The following UTS2 variants were observed in gnomAD, a reference collection of about 807,000 sequenced individuals.
The protein encoded by UTS2 is urotensin 2.
UTS2 carries 10 observed loss-of-function variants against 12.6 expected under a neutral mutation model. The ratio of observed to expected loss-of-function variants is 0.80; its 90% CI spans 0.49 to 1.35. The LOEUF is 1.35. Ranked by LOEUF, UTS2 falls within the 40% of genes most tolerant of loss-of-function variation. The pLI is 0.00. For synonymous variants in UTS2, 52 were observed against 50.0 expected (o/e 1.04, Z -0.17); for missense variants, 142 against 143.2 (o/e 0.99, Z 0.04).
chr1:7,907,218 T>C, the UTS2 span, among the ~76,000 whole-genome samples: 2 of 152,102 alleles, frequency 1.3e-5, no homozygotes, highest in African/African-American at 4.8e-5. Context: ...ATCGTGTCAC[T>C]GCACTCCAGC....
chr1:7,898,517 C>T, the UTS2 span, among the ~76,000 whole-genome samples: 1 of 151,994 alleles, frequency 6.6e-6, no homozygotes, highest in Non-Finnish European at 1.5e-5. Context: ...ACTCTGTCGC[C>T]CAGGCTGGAG....
the UTS2 span, among the ~76,000 whole-genome samples, chr1:7,904,073 A>T: frequency 6.6e-6 from 1 of 152,146 alleles, no homozygotes; most frequent in Non-Finnish European, 1.5e-5. Flanking sequence ...ATAATTTTTT[A>T]AAAATAAATT....
chr1:7,888,331 C>A, the UTS2 span, among the ~76,000 whole-genome samples: 1 of 152,144 alleles, frequency 6.6e-6, no homozygotes, highest in Non-Finnish European at 1.5e-5. Flanking sequence ...CCTTCCTCCT[C>A]CCCATCCCTC....
intron 3 of UTS2, among the ~76,000 whole-genome samples, chr1:7,849,237 G>A (rs1489557327): frequency 6.6e-6 from 1 of 151,888 alleles, no homozygotes; most frequent in Non-Finnish European, 1.5e-5. Context: ...ATTTTGAGAT[G>A]AAGTCTCATT....
chr1:7,879,710 C>T, the UTS2 span, among the ~76,000 whole-genome samples: 7 of 151,556 alleles, frequency 4.6e-5, no homozygotes, highest in East Asian at 1.4e-3. Context: ...CACTGCACTC[C>T]GGCCTGGATG....
intron 1 of UTS2, among the ~76,000 whole-genome samples, chr1:7,851,907 AGT>A (rs1454377726): frequency 2.6e-5 from 4 of 152,240 alleles, no homozygotes; most frequent in African/African-American, 9.6e-5. Flanking sequence ...AGATGACAGT[AGT>A]AGCTGAGTAT....
the UTS2 span, among the ~76,000 whole-genome samples, chr1:7,878,063 A>G: frequency 3.3e-5 from 5 of 152,248 alleles, no homozygotes; most frequent in Non-Finnish European, 7.3e-5. Flanking sequence ...GTGTCAAGTC[A>G]CATATAAAAG....
chr1:7,884,875 C>T, the UTS2 span, among the ~76,000 whole-genome samples: 3 of 151,794 alleles, frequency 2.0e-5, no homozygotes, highest in Non-Finnish European at 4.4e-5. Context: ...ACCCACCCAT[C>T]CATCCACCCA....
At chr1:7,870,184 A>G in the UTS2 span, among the ~76,000 whole-genome samples, 1 of 152,202 alleles carries the variant, frequency 6.6e-6, no homozygotes, top group Non-Finnish European at 1.5e-5. Context: ...CTGTATTTGG[A>G]GATGAGCTAT....
chr1:7,852,247 C>A (rs1229694780), intron 1 of UTS2, among the ~76,000 whole-genome samples: 1 of 152,052 alleles, frequency 6.6e-6, no homozygotes, highest in African/African-American at 2.4e-5. Context: ...ACCTAATCCC[C>A]AAGCATTAGC....
chr1:7,868,641 A>T, the UTS2 span, among the ~76,000 whole-genome samples: 139 of 152,340 alleles, frequency 9.1e-4, 1 homozygote, highest in Admixed American at 4.4e-3. Flanking sequence ...TGAGCAAACA[A>T]CCTAGGTGGC....
the UTS2 span, among the ~76,000 whole-genome samples, chr1:7,889,442 CAAAAA>C: frequency 4.7e-5 from 4 of 85,376 alleles, no homozygotes; most frequent in Admixed American, 1.5e-4. Context: ...ATCTTATCAC[CAAAAA>C]AAAAAAAAAA....
the UTS2 span, among the ~76,000 whole-genome samples, chr1:7,891,550 A>AAGAAAGAAAGAAAGAG: frequency 6.7e-6 from 1 of 149,150 alleles, no homozygotes; most frequent in African/African-American, 2.5e-5. Flanking sequence ...GAAAGAAAGA[A>AAGAAAGAAAGAAAGAG]AGAAAGAAAG....
At chr1:7,872,907 G>T in the UTS2 span, among the ~76,000 whole-genome samples, 1 of 152,176 alleles carries the variant, frequency 6.6e-6, no homozygotes. Context: ...CTGACTTAAA[G>T]CTTCAAAGGA....
chr1:7,901,144 C>G, the UTS2 span, among the ~76,000 whole-genome samples: 7 of 152,142 alleles, frequency 4.6e-5, no homozygotes, highest in Non-Finnish European at 7.3e-5. Flanking sequence ...TTGGCAAAAA[C>G]CCGTTCATAG....
At chr1:7,910,990 C>T in the UTS2 span, among the ~76,000 whole-genome samples, 13 of 151,834 alleles carry the variant, frequency 8.6e-5, no homozygotes, top group South Asian at 2.1e-4. Flanking sequence ...TGGGCTCAAG[C>T]GATCCTCCCA....
the UTS2 span, among the ~76,000 whole-genome samples, chr1:7,873,683 A>G: frequency 1.3e-5 from 2 of 152,202 alleles, no homozygotes; most frequent in Admixed American, 1.3e-4. Flanking sequence ...CATCTTGTAG[A>G]TGGTTTCTTG....
chr1:7,894,192 C>CT, the UTS2 span, among the ~76,000 whole-genome samples: 7 of 127,482 alleles, frequency 5.5e-5, no homozygotes, highest in African/African-American at 1.2e-4. Flanking sequence ...TTTCTTTTTT[C>CT]TTTTTTTTAA....
the UTS2 span, among the ~76,000 whole-genome samples, chr1:7,863,968 G>A: frequency 6.6e-5 from 10 of 152,322 alleles, no homozygotes; most frequent in Middle Eastern, 3.4e-3. Context: ...TCCCCCGGGG[G>A]GGTCTGCCCG....
Sources: gnomAD v4.1 joint callset for allele counts (sites outside exome capture counted in the v4.1 genomes callset) on GRCh38, gnomAD v4.1.1 for gene constraint, MANE v1.5 for transcripts, NCBI Gene and HGNC (gene_info 2026-07-23, HGNC 2026-07-21) for gene names.